CLIC4: variants seen among roughly 807,000 people sequenced by gnomAD.
The protein encoded by CLIC4 is chloride intracellular channel protein 4.
In CLIC4, 13 loss-of-function variants were observed where a neutral mutation model predicts 24.6. The ratio of observed to expected loss-of-function variants is 0.53; its 90% CI spans 0.34 to 0.84. CLIC4 has a LOEUF of 0.84. Among genes scored for constraint, CLIC4 ranks in the 40% least tolerant of loss-of-function variants. The pLI is 0.01. For synonymous variants in CLIC4, 104 were observed against 111.3 expected (o/e 0.93, Z 0.41); for missense variants, 227 against 301.7 (o/e 0.75, Z 1.83).
chr1:24,824,673 T>TTA (rs1639769109), intron 3 of CLIC4, among the ~76,000 whole-genome samples: 2 of 152,068 alleles, frequency 1.3e-5, no homozygotes, highest in African/African-American at 4.8e-5. Flanking sequence ...GAGGTGAACA[T>TTA]TCTCTTATAG....
At chr1:24,763,329 C>T (rs1198840903) in intron 1 of CLIC4, among the ~76,000 whole-genome samples, 4 of 151,814 alleles carry the variant, frequency 2.6e-5, no homozygotes, top group African/African-American at 4.8e-5. Flanking sequence ...CATCTGAAGT[C>T]GGGAGTTCGA....
chr1:24,768,660 C>A (rs1333758139), intron 1 of CLIC4, among the ~76,000 whole-genome samples: 4 of 151,980 alleles, frequency 2.6e-5, no homozygotes, highest in Non-Finnish European at 5.9e-5. Context: ...CGCCTGTAAT[C>A]CCTGTACTTT....
chr1:24,758,587 G>T (rs182675905), intron 1 of CLIC4, among the ~76,000 whole-genome samples: 325 of 152,172 alleles, frequency 2.1e-3, no homozygotes, highest in Non-Finnish European at 3.6e-3. Context: ...CTCCCGACTG[G>T]CTGGGACTAG....
intron 1 of CLIC4, among the ~76,000 whole-genome samples, chr1:24,746,304 C>T (rs528302702): frequency 7.2e-5 from 11 of 152,176 alleles, no homozygotes; most frequent in African/African-American, 2.4e-4. Flanking sequence ...TTTGGCTTCT[C>T]CCCCCGGCGT....
chr1:24,821,340 C>A (rs1018984258), intron 3 of CLIC4, among the ~76,000 whole-genome samples: 30 of 152,160 alleles, frequency 2.0e-4, no homozygotes, highest in Admixed American at 1.7e-3. Flanking sequence ...TAAATTGGAC[C>A]TTGAAAACAA....
intron 4 of CLIC4, among the ~76,000 whole-genome samples, chr1:24,837,495 C>T (rs575474258): frequency 6.6e-6 from 1 of 152,264 alleles, no homozygotes; most frequent in South Asian, 2.1e-4. Context: ...CTTTCATATA[C>T]CTTTCCAGGG....
chr1:24,799,298 C>T (rs1347764864), intron 2 of CLIC4, among the ~76,000 whole-genome samples: 1 of 150,864 alleles, frequency 6.6e-6, no homozygotes, highest in East Asian at 2.0e-4. Context: ...CTCTGCCCCG[C>T]CTCCCCATCT....
At chr1:24,810,243 G>T (rs967323129) in intron 2 of CLIC4, among the ~76,000 whole-genome samples, 2 of 152,136 alleles carry the variant, frequency 1.3e-5, no homozygotes, top group Non-Finnish European at 2.9e-5. Flanking sequence ...TTTTTGGTTG[G>T]TTTGTTCAAA....
At chr1:24,802,122 T>C (rs1557806973) in intron 2 of CLIC4, among the ~76,000 whole-genome samples, 2 of 152,198 alleles carry the variant, frequency 1.3e-5, no homozygotes, top group Non-Finnish European at 2.9e-5. Context: ...TTGACTGCCA[T>C]TCTTTGAAAA....
At chr1:24,755,934 G>A (rs1193671659) in intron 1 of CLIC4, among the ~76,000 whole-genome samples, 2 of 150,640 alleles carry the variant, frequency 1.3e-5, no homozygotes, top group Non-Finnish European at 2.9e-5. Flanking sequence ...CGATTCTCCT[G>A]CCTCAACCTC....
chr1:24,791,612 A>G (rs1373735524), intron 1 of CLIC4, among the ~76,000 whole-genome samples: 1 of 152,096 alleles, frequency 6.6e-6, no homozygotes, highest in Admixed American at 6.6e-5. Flanking sequence ...GGCGTGGCTC[A>G]TGCCTGTAAT....
chr1:24,829,184 G>A (rs959418643), intron 4 of CLIC4, among the ~76,000 whole-genome samples: 1 of 152,138 alleles, frequency 6.6e-6, no homozygotes, highest in African/African-American at 2.4e-5. Context: ...AGTCTGATTA[G>A]TTTTACCACC....
chr1:24,826,846 A>G (rs1639791329), intron 3 of CLIC4, among the ~76,000 whole-genome samples, 164 bp from the exon 4 acceptor site: 1 of 152,240 alleles, frequency 6.6e-6, no homozygotes, highest in Non-Finnish European at 1.5e-5. Flanking sequence ...TTTGTCTCGT[A>G]AGGAAAAAAC....
Position 24,797,812 on chromosome 1 carries a change from A to G in CLIC4, c.143A>G (p.Lys48Arg), listed in dbSNP as rs202181531. 1 of 1,613,796 alleles carries G rather than the reference A, an allele frequency of 6.2e-7. No homozygotes were observed. Among genetic ancestry groups the G allele is most frequent in the Admixed American group, 1.7e-5 (1 of 59,928 alleles). ...AGGCTCTTCATGATTCTTTGGCTCA[A>G]AGGAGTTGTATTTAGTGTGACGACT... ...SQRLFMILWL[K>R]GVVFSVTTVD... The change falls in exon 2 of 6, where the codon AAA becomes AGA. Residue 48 changes from lysine (K) to arginine (R), a missense_variant. Lys to Arg is a conservative substitution (Grantham distance 26). Coordinates refer to ENST00000374379, the MANE Select transcript of CLIC4 (RefSeq NM_013943.3).
intron 2 of CLIC4, among the ~76,000 whole-genome samples, chr1:24,805,920 G>GA (rs760166901): frequency 6.6e-6 from 1 of 151,104 alleles, no homozygotes; most frequent in Non-Finnish European, 1.5e-5. Context: ...TCTTCATCTA[G>GA]AAAAAAAATG....
chr1:24,784,093 G>C (rs1227098812), intron 1 of CLIC4, among the ~76,000 whole-genome samples: 1 of 138,682 alleles, frequency 7.2e-6, no homozygotes, highest in Non-Finnish European at 1.6e-5. Context: ...TCTTTAACTT[G>C]TGTTTCACTC....
At chr1:24,831,083 C>T (rs189112505) in intron 4 of CLIC4, among the ~76,000 whole-genome samples, 1 of 152,258 alleles carries the variant, frequency 6.6e-6, no homozygotes, top group Non-Finnish European at 1.5e-5. Context: ...TTAATATACC[C>T]TTGTTATGAC....
chr1:24,798,644 CCCACGGTGTCCCTCTCTTT>C (rs1157530102), intron 2 of CLIC4, among the ~76,000 whole-genome samples: 2 of 152,266 alleles, frequency 1.3e-5, no homozygotes, highest in African/African-American at 4.8e-5. Context: ...TCTCCCTCTC[CCCACGGTGTCCCTCTCTTT>C]CCACGGTCTC....
chr1:24,778,266 C>T (rs1639164760), intron 1 of CLIC4, among the ~76,000 whole-genome samples: 1 of 152,142 alleles, frequency 6.6e-6, no homozygotes, highest in Non-Finnish European at 1.5e-5. Context: ...AATTATTGAG[C>T]TTCTCTGAAC....
Sources: allele counts gnomAD v4.1 joint callset (sites outside exome capture counted in the v4.1 genomes callset), GRCh38; gene constraint gnomAD v4.1.1; transcripts MANE v1.5; gene names NCBI Gene and HGNC (gene_info 2026-07-23, HGNC 2026-07-21).